Variants in ZSCAN1 observed in about 807,000 individuals in gnomAD.
ZSCAN1 encodes the protein zinc finger and SCAN domain containing 1, also known as zinc finger and SCAN domain-containing protein 1.
ZSCAN1 carries 23 observed loss-of-function variants against 23.8 expected under a neutral mutation model. That is an observed-to-expected ratio of 0.97 (90% CI 0.70 to 1.37). The LOEUF (loss-of-function observed/expected upper bound fraction) is 1.37. Among genes scored for constraint, ZSCAN1 ranks in the 40% most tolerant of loss-of-function variants. The pLI is 0.00. For missense variants in ZSCAN1, 575 were observed against 554.0 expected (o/e 1.04, Z -0.38); for synonymous variants, 236 against 232.3 (o/e 1.02, Z -0.15).
rs1296931806 is a variant in ZSCAN1 at position 58,054,631 on chromosome 19, C to T, written c.*580C>T. On this transcript the variant is annotated 3_prime_UTR_variant, in exon 6 of 6. Transcript: ENST00000282326. The surrounding 1 kb of genome is among the most constrained non-coding windows in gnomAD (Gnocchi z 4.2). ...TCATTAAAAATGAACAGTTCAGTGGCATTAAGCACATTCACAACACTGTGC... is the reference window on the plus strand; with the variant it reads ...TCATTAAAAATGAACAGTTCAGTGGTATTAAGCACATTCACAACACTGTGC... 1 of 152,304 alleles carries T rather than the reference C, an allele frequency of 6.6e-6. No homozygotes were observed. The highest frequency in any genetic ancestry group is 6.5e-5 in the Admixed American group (1 of 15,284). The allele number at this position is 152,304 out of a possible 1,614,324, so 9.4% of individuals were successfully genotyped here. A position where few individuals can be genotyped will look rare whatever the true frequency, so the allele number is the denominator to read the frequency against.
chr19:58,041,469 G>A (rs1263913506), intron 4 of ZSCAN1, among the ~76,000 whole-genome samples: 1 of 152,240 alleles, frequency 6.6e-6, no homozygotes, highest in Non-Finnish European at 1.5e-5. Flanking sequence ...CTTATCTCTT[G>A]GTAAGGAGAT....
Position 58,038,172 on chromosome 19 carries a change from G to T in ZSCAN1, c.336G>T (p.Leu112=). Residue 112 remains leucine, a synonymous_variant, in exon 3 of 6, where the codon CTG becomes CTT. Coordinates refer to ENST00000282326, the MANE Select transcript of ZSCAN1 (RefSeq NM_182572.4). ...GAAGCTGCAGGGAGGCCGCCAGCCT[G>T]GTGGAGGACCTCACACAGATGTGCC... is the stretch of plus-strand genomic sequence containing the variant. ...GPRSCREAAS[L]VEDLTQMCQQ... The T allele has an allele frequency of 1.2e-6, 2 of 1,608,106 alleles. No homozygotes were observed. The highest frequency in any genetic ancestry group is 1.7e-6 in the Non-Finnish European group (2 of 1,178,678).
chr19:58,038,776 C>T (rs1009665786), intron 3 of ZSCAN1, among the ~76,000 whole-genome samples: 33 of 152,256 alleles, frequency 2.2e-4, no homozygotes, highest in Non-Finnish European at 4.6e-4. Context: ...TTCCATCCAC[C>T]CAGGGCCCAG....
rs537093117 is a variant in ZSCAN1, at chr19:58,038,283, C to T, written c.370+77C>T. 6.5e-5 allele frequency: 99 copies of T among 1,522,782 alleles called. No homozygotes were observed. In the South Asian group the frequency reaches 1.1e-3, roughly 17 times the overall value. The allele number at this position is 1,522,782 out of a possible 1,614,324, so 94.3% of individuals were successfully genotyped here. Reference sequence around the variant, plus strand: ...CCGAGGACCGAACTGCCCTCCTTCCCGCCCACATCGCTCCCACCCCTGCCC... The same window carrying T: ...CCGAGGACCGAACTGCCCTCCTTCCTGCCCACATCGCTCCCACCCCTGCCC... On this transcript the variant is annotated intron_variant, in intron 3 of 5. Coordinates refer to ENST00000282326, the MANE Select transcript of ZSCAN1 (RefSeq NM_182572.4).
intron 4 of ZSCAN1, chr19:58,046,330 C>T: frequency 1.1e-6 from 1 of 897,724 alleles, no homozygotes. Flanking sequence ...CAAGAAGGAA[C>T]TTTCAAAGAC....
rs1278486032 is a variant in ZSCAN1 at position 58,039,895 on chromosome 19, CTTTT to C, written c.371-551_371-548del. Among the ~76,000 whole-genome samples the C allele has an allele frequency of 3.3e-5, 5 of 150,538 alleles. No individual in the cohort carries two copies. The East Asian group carries it at 6.0e-4, about 18-fold the overall frequency. Reference sequence around the variant, plus strand: ...GAGGTGGCCGTGATCTTGAATTTTTCTTTTTTTAATTAAAAAATAAATAGGGGGG... The same window carrying C: ...GAGGTGGCCGTGATCTTGAATTTTTCTTTAATTAAAAAATAAATAGGGGGG... On this transcript the variant is annotated intron_variant, in intron 3 of 5. Transcript: ENST00000282326.
chr19:58,043,307 G>A lies in ZSCAN1; in HGVS notation c.465+2763G>A, dbSNP rs1173015528. Among the ~76,000 whole-genome samples the A allele has an allele frequency of 5.9e-5, 9 of 152,220 alleles. 1 individual carries two copies. In the South Asian group the frequency reaches 1.9e-3, roughly 32 times the overall value. On this transcript the variant is annotated intron_variant, in intron 4 of 5. Coordinates refer to ENST00000282326, the MANE Select transcript of ZSCAN1 (RefSeq NM_182572.4). ...GCAGAGGGCACTCACACACCTACAC[G>A]CACAGCCCATGGCTCCTAGGCTACA...
chr19:58,056,272 G>GC (rs1434511933), downstream of ZSCAN1, among the ~76,000 whole-genome samples: 2 of 152,190 alleles, frequency 1.3e-5, no homozygotes, highest in Admixed American at 6.5e-5. Context: ...TGCCTCCACA[G>GC]CCCCCAGCAC....
In ZSCAN1 at chr19:58,049,650, G is replaced by A. The variant is rs1241036167; in HGVS notation, c.466-2840G>A. Among the ~76,000 whole-genome samples the A allele has an allele frequency of 2.0e-5, 3 of 152,296 alleles. No homozygotes were observed. The highest frequency in any genetic ancestry group is 7.2e-5 in the African/African-American group (3 of 41,562). ...CTGAAGCCTGTAAGGGTAGCTGCCCGAAGCCCTTTGAGGGTAGCACTCTAA... is the reference window on the plus strand; with the variant it reads ...CTGAAGCCTGTAAGGGTAGCTGCCCAAAGCCCTTTGAGGGTAGCACTCTAA... On this transcript the variant is annotated intron_variant, in intron 4 of 5. Coordinates refer to ENST00000282326, the MANE Select transcript of ZSCAN1 (RefSeq NM_182572.4). The surrounding 1 kb of genome is among the most constrained non-coding windows in gnomAD (Gnocchi z 4.5).
In ZSCAN1 at chr19:58,045,630, A is replaced by G. The variant is rs538360004; in HGVS notation, c.465+5086A>G. On this transcript the variant is annotated intron_variant, in intron 4 of 5. Coordinates refer to ENST00000282326, the MANE Select transcript of ZSCAN1 (RefSeq NM_182572.4). This position sits in a 1 kb window ranked among gnomAD's most constrained non-coding sequence, Gnocchi z 4.3. The stretch of plus-strand genomic sequence containing the variant: ...AGCTCACGATGCGGCTGCGCTCCAT[A>G]AAGGCAGAGGACAAGCTGTTTGCTG... The G allele has an allele frequency of 1.1e-6, 1 of 949,742 alleles. No individual in the cohort carries two copies. The highest frequency in any genetic ancestry group is 2.4e-5 in the East Asian group (1 of 42,024). 58.8% of individuals were successfully genotyped at this position (949,742 alleles called of 1,614,324 possible).
At position 58,047,661 on chromosome 19, in the gene ZSCAN1, T is replaced by G. The variant is rs2123436232; in HGVS notation, c.466-4829T>G. The stretch of plus-strand genomic sequence containing the variant: ...GTTCTTTGTAGCTTCTAATGTGAGG[T>G]TTGAGTCCAGTGCACCCACAGCAGC... On this transcript the variant is annotated intron_variant, in intron 4 of 5. Transcript: ENST00000282326. This position sits in a 1 kb window ranked among gnomAD's most constrained non-coding sequence, Gnocchi z 4.9. Among the ~76,000 whole-genome samples the G allele has an allele frequency of 6.6e-6, 1 of 152,300 alleles. No homozygotes were observed. The highest frequency in any genetic ancestry group is 1.5e-5 in the Non-Finnish European group (1 of 68,018).
chr19:58,054,279 C>A lies in ZSCAN1; in HGVS notation c.*228C>A, dbSNP rs533431960. On this transcript the variant is annotated 3_prime_UTR_variant, in exon 6 of 6. Coordinates refer to ENST00000282326, the MANE Select transcript of ZSCAN1 (RefSeq NM_182572.4). This position sits in a 1 kb window ranked among gnomAD's most constrained non-coding sequence, Gnocchi z 4.2. ...GAGAAGCAGCAGTTCCACAGCACAG[C>A]CTGGTCAGTCCTGCGCACTATAGTT... 3.7e-6 allele frequency: 2 copies of A among 541,736 alleles called. No homozygotes were observed. Among genetic ancestry groups the A allele is most frequent in the African/African-American group, 1.9e-5 (1 of 53,390 alleles). The allele number at this position is 541,736 out of a possible 1,614,324, so 33.6% of individuals were successfully genotyped here.
chr19:58,044,177 C>G (rs2073808270), intron 4 of ZSCAN1, among the ~76,000 whole-genome samples: 1 of 151,958 alleles, frequency 6.6e-6, no homozygotes, highest in South Asian at 2.1e-4. Context: ...GAAGCTGAGG[C>G]AGGAGAATCG....
chr19:58,038,166 C>T lies in ZSCAN1; in HGVS notation c.330C>T (p.Ala110=), dbSNP rs1334656739. ...SQGPRSCREA[A]SLVEDLTQMC... ...GCCCCCGAAGCTGCAGGGAGGCCGC[C>T]AGCCTGGTGGAGGACCTCACACAGA... The change falls in exon 3 of 6, where the codon GCC becomes GCT. Residue 110 remains alanine, a synonymous_variant. Coordinates refer to ENST00000282326, the MANE Select transcript of ZSCAN1 (RefSeq NM_182572.4). 3 of 1,608,406 alleles carry T rather than the reference C, an allele frequency of 1.9e-6. No homozygotes were observed. In the African/African-American group the frequency reaches 4.0e-5, roughly 21 times the overall value.
Position 58,040,583 on chromosome 19 carries a change from AGGG to A in ZSCAN1, c.465+40_465+42del. On this transcript the variant is annotated intron_variant, in intron 4 of 5. Coordinates refer to ENST00000282326, the MANE Select transcript of ZSCAN1 (RefSeq NM_182572.4). This position sits in a 1 kb window ranked among gnomAD's most constrained non-coding sequence, Gnocchi z 5.8. ...CCCCAGCTCCGTGCTCCTGCACCCC[AGGG>A]CATGCGTGCCGCTTCTGGGACGGCC... is the stretch of plus-strand genomic sequence containing the variant. The A allele has an allele frequency of 1.9e-6, 3 of 1,597,894 alleles. No homozygotes were observed. Among genetic ancestry groups the A allele is most frequent in the Non-Finnish European group, 2.6e-6 (3 of 1,166,730 alleles).
At position 58,053,813 on chromosome 19, in the gene ZSCAN1, T is replaced by C; in HGVS notation, c.989T>C (p.Leu330Pro). The C allele has an allele frequency of 6.2e-7, 1 of 1,614,090 alleles. No individual in the cohort carries two copies. The highest frequency in any genetic ancestry group is 8.5e-7 in the Non-Finnish European group (1 of 1,179,994). Reference sequence around the variant, plus strand: ...TGCCCCGAGTGTGGCAAGGTCTTCCTGCACAACTCCGTCCTCACTGAGCAT... The same window carrying C: ...TGCCCCGAGTGTGGCAAGGTCTTCCCGCACAACTCCGTCCTCACTGAGCAT... Reference protein sequence around the residue: ...FPCPECGKVFLHNSVLTEHGK... With the variant: ...FPCPECGKVFPHNSVLTEHGK... Residue 330 changes from leucine to proline, a missense_variant, in exon 6 of 6, where the codon CTG becomes CCG. Coordinates refer to ENST00000282326, the MANE Select transcript of ZSCAN1 (RefSeq NM_182572.4). This position sits in a 1 kb window ranked among gnomAD's most constrained non-coding sequence, Gnocchi z 5.8.
intron 4 of ZSCAN1, chr19:58,046,859 C>T (rs761915922): frequency 1.5e-6 from 1 of 645,186 alleles, no homozygotes; most frequent in Non-Finnish European, 2.8e-6. Context: ...AGTGGCTCAT[C>T]TAATACTTTG....
chr19:58,034,343 A>T (rs2073717020), intron 1 of ZSCAN1, among the ~76,000 whole-genome samples, 182 bp downstream of exon 1: 1 of 148,352 alleles, frequency 6.7e-6, no homozygotes. Context: ...TCCAGAGCCC[A>T]TCGGGAGTCC....
intron 4 of ZSCAN1, among the ~76,000 whole-genome samples, chr19:58,051,404 C>T (rs2073857731): frequency 6.6e-6 from 1 of 152,214 alleles, no homozygotes; most frequent in Non-Finnish European, 1.5e-5. Context: ...ACACCATCCA[C>T]ATACTCCCAA....
Sources: allele counts gnomAD v4.1 joint callset (sites outside exome capture counted in the v4.1 genomes callset), GRCh38; gene constraint gnomAD v4.1.1; non-coding constraint Gnocchi (gnomAD v3.1); transcripts MANE v1.5; gene names NCBI Gene and HGNC (gene_info 2026-07-23, HGNC 2026-07-21).